ZDHHC11: variants seen among roughly 807,000 people sequenced by gnomAD.
ZDHHC11 encodes palmitoyltransferase ZDHHC11.
A neutral mutation model predicts 51.3 loss-of-function variants in ZDHHC11; 44 were observed. That is an observed-to-expected ratio of 0.86 (90% CI 0.67 to 1.10). ZDHHC11 has a LOEUF of 1.10. Among genes scored for constraint, ZDHHC11 ranks in the 50% least tolerant of loss-of-function variants. The pLI is 0.00. For synonymous variants in ZDHHC11, 163 were observed against 222.0 expected, an observed-to-expected ratio of 0.73 and a Z score of 2.36; for missense variants, 400 against 537.7, an observed-to-expected ratio of 0.74 and a Z score of 2.53.
At chr5:798,917 G>A (rs1442595221) in intron 12 of ZDHHC11, among the ~76,000 whole-genome samples, 1 of 152,160 alleles carries the variant, frequency 6.6e-6, no homozygotes, top group African/African-American at 2.4e-5. Flanking sequence ...TAAAGAATGT[G>A]ACCTGAAATT....
intron 8 of ZDHHC11, chr5:824,222 G>A: frequency 2.8e-6 from 1 of 355,172 alleles, no homozygotes; most frequent in Non-Finnish European, 5.7e-6. Flanking sequence ...GCTATTAGAG[G>A]CTGAGGTCAA....
chr5:817,906 C>T lies in ZDHHC11; in HGVS notation c.1146+1619G>A, dbSNP rs189650098. Among the ~76,000 whole-genome samples, 39 of 151,462 alleles carry T rather than the reference C, an allele frequency of 2.6e-4. 1 individual carries two copies. In the East Asian group the frequency reaches 7.2e-3, roughly 28 times the overall value. On this transcript the variant is annotated intron_variant, in intron 10 of 12. Coordinates refer to ENST00000283441, the MANE Select transcript of ZDHHC11 (RefSeq NM_024786.3). Reference sequence around the variant, plus strand: ...CGCTGTCTGCAGCCCTGGGCCCTCTCGAAGGGGAGGCGATGGACTGTAGGT... The same window carrying T: ...CGCTGTCTGCAGCCCTGGGCCCTCTTGAAGGGGAGGCGATGGACTGTAGGT...
intron 3 of ZDHHC11, among the ~76,000 whole-genome samples, chr5:847,111 G>A (rs1314551539): frequency 6.6e-6 from 1 of 151,718 alleles, no homozygotes; most frequent in Non-Finnish European, 1.5e-5. Context: ...CCTCGACCAT[G>A]CTCAGGGGAA....
rs537090441 is a variant in ZDHHC11, at chr5:827,072, T to G, written c.936-1821A>C. Among the ~76,000 whole-genome samples the G allele has an allele frequency of 3.8e-4, 55 of 144,066 alleles. 2 individuals are homozygous for G. The highest frequency in any genetic ancestry group is 1.4e-3 in the African/African-American group (54 of 39,630). 94.5% of individuals were successfully genotyped at this position (144,066 alleles called of 152,430 possible). A position where few individuals can be genotyped will look rare whatever the true frequency, so the allele number is the denominator to read the frequency against. On this transcript the variant is annotated intron_variant, in intron 7 of 12. Coordinates refer to ENST00000283441, the MANE Select transcript of ZDHHC11 (RefSeq NM_024786.3). The stretch of plus-strand genomic sequence containing the variant: ...CACTAGAAGGGATTGGGGTCCTATC[T>G]CTAGCCTCTCCAAGCAAAATAATTA...
At chr5:859,708 C>T (rs80351435), upstream of ZDHHC11, among the ~76,000 whole-genome samples, 310 of 152,312 alleles carry the variant, frequency 2.0e-3, no homozygotes, top group African/African-American at 7.2e-3. Context: ...TGGCTTAACT[C>T]GGAGCACAGC....
At chr5:859,997 G>A (rs981073048), upstream of ZDHHC11, among the ~76,000 whole-genome samples, 3 of 152,314 alleles carry the variant, frequency 2.0e-5, no homozygotes, top group Middle Eastern at 3.4e-3. Context: ...TGAGGGAGTC[G>A]TCCACAGTCA....
intron 7 of ZDHHC11, among the ~76,000 whole-genome samples, chr5:825,574 G>T (rs552383837): frequency 9.1e-4 from 139 of 152,186 alleles, no homozygotes; most frequent in African/African-American, 2.7e-3. Flanking sequence ...ATGGGAGACA[G>T]GTCTGATATG....
Position 825,238 on chromosome 5 carries a change from T to G in ZDHHC11, c.949A>C (p.Ser317Arg). ...AAGTGCTTGTGAATCAGCAGGGAGC[T>G]CTTGGCTTTGACTCTGGTGGGACAG... ...GSSAQGVKAKSSLLIHKHLCH... is the reference protein window; with the variant it reads ...GSSAQGVKAKRSLLIHKHLCH... The change falls in exon 8 of 13, where the codon AGC (serine) becomes CGC (arginine). Residue 317 changes from serine (S) to arginine (R), a missense_variant. Ser to Arg is a moderately radical substitution (Grantham distance 110). Transcript: ENST00000283441. 6.2e-7 allele frequency: 1 copy of G among 1,612,692 alleles called. No homozygotes were observed. Among genetic ancestry groups the G allele is most frequent in the Non-Finnish European group, 8.5e-7 (1 of 1,179,074 alleles).
At chr5:820,080 A>G (rs994516629) in intron 9 of ZDHHC11, among the ~76,000 whole-genome samples, 1 of 151,498 alleles carries the variant, frequency 6.6e-6, no homozygotes, top group Non-Finnish European at 1.5e-5. Flanking sequence ...CGATTTGGCA[A>G]TCATTACACA....
intron 6 of ZDHHC11, among the ~76,000 whole-genome samples, chr5:836,084 A>G (rs1579705125): frequency 6.7e-6 from 1 of 150,362 alleles, no homozygotes; most frequent in Non-Finnish European, 1.5e-5. Context: ...CTGTGATATC[A>G]GAAGTAGGAG....
chr5:807,231 A>G (rs1485475478), intron 11 of ZDHHC11, among the ~76,000 whole-genome samples: 3 of 140,454 alleles, frequency 2.1e-5, no homozygotes, highest in Admixed American at 7.5e-5. Context: ...CAGATACTAC[A>G]TACACACAAT....
intron 6 of ZDHHC11, among the ~76,000 whole-genome samples, chr5:835,808 C>T (rs1401111878): frequency 4.0e-5 from 6 of 151,790 alleles, no homozygotes; most frequent in Non-Finnish European, 8.8e-5. Flanking sequence ...TACATATTTG[C>T]ATAAGGTTTG....
chr5:798,779 T>C (rs1737973768), intron 12 of ZDHHC11, among the ~76,000 whole-genome samples: 1 of 141,682 alleles, frequency 7.1e-6, no homozygotes, highest in South Asian at 2.3e-4. Flanking sequence ...TTTAAAACCT[T>C]AGTGGTGAAT....
intron 3 of ZDHHC11, among the ~76,000 whole-genome samples, chr5:845,437 C>T (rs1457194379): frequency 6.8e-6 from 1 of 146,560 alleles, no homozygotes; most frequent in African/African-American, 2.7e-5. Context: ...CTCCTCTCCC[C>T]GCAGCCACCC....
chr5:843,963 T>C (rs867830412), intron 3 of ZDHHC11, among the ~76,000 whole-genome samples: 452 of 41,014 alleles, frequency 0.011, 5 homozygotes, highest in Middle Eastern at 0.053. Context: ...AGGTGGGGGG[T>C]GCAGAGGCAG....
intron 3 of ZDHHC11, among the ~76,000 whole-genome samples, chr5:847,218 A>T (rs547358113): frequency 6.6e-6 from 1 of 151,848 alleles, no homozygotes; most frequent in East Asian, 1.9e-4. Flanking sequence ...AAGGCAGCCC[A>T]GCCCAGGACA....
intron 1 of ZDHHC11, among the ~76,000 whole-genome samples, chr5:849,461 G>A (rs1329271243): frequency 2.0e-5 from 3 of 152,148 alleles, no homozygotes; most frequent in African/African-American, 7.2e-5. Flanking sequence ...AGAGAAGACA[G>A]CCTCAGACAG....
intron 9 of ZDHHC11, among the ~76,000 whole-genome samples, chr5:820,691 G>A (rs528595045): frequency 1.6e-4 from 24 of 151,494 alleles, no homozygotes; most frequent in African/African-American, 5.8e-4. Flanking sequence ...TGGAAAGTGT[G>A]TAACTAATGT....
chr5:827,799 C>T (rs1742488224), intron 7 of ZDHHC11, among the ~76,000 whole-genome samples: 1 of 149,252 alleles, frequency 6.7e-6, no homozygotes, highest in Non-Finnish European at 1.5e-5. Context: ...GGGGATTTGG[C>T]AGGGTCATAG....
Sources: allele counts gnomAD v4.1 joint callset (sites outside exome capture counted in the v4.1 genomes callset), GRCh38; gene constraint gnomAD v4.1.1; transcripts MANE v1.5; gene names NCBI Gene and HGNC (gene_info 2026-07-23, HGNC 2026-07-21).